The following RBMS3 variants were observed in gnomAD, a reference collection of about 807,000 sequenced individuals.
RBMS3 encodes RNA-binding motif, single-stranded-interacting protein 3.
Under a neutral mutation model 66.8 loss-of-function variants are expected in RBMS3, and 27 were observed. The ratio of observed to expected loss-of-function variants is 0.40; its 90% CI spans 0.30 to 0.56. The LOEUF (loss-of-function observed/expected upper bound fraction) is 0.56, where lower values mean the gene tolerates loss of function less well. Ranked by LOEUF, RBMS3 falls within the 20% of genes least tolerant of loss-of-function variation. RBMS3 has a pLI of 0.40. For missense variants in RBMS3, 513 were observed against 549.5 expected (o/e 0.93, Z 0.66); for synonymous variants, 188 against 183.0 (o/e 1.03, Z -0.22).
intron 4 of RBMS3, among the ~76,000 whole-genome samples, chr3:29,659,064 G>A (rs1428849305): frequency 6.6e-6 from 1 of 152,066 alleles, no homozygotes; most frequent in Admixed American, 6.6e-5. Context: ...TAATCTGCCC[G>A]CCTCAGCCTC....
At chr3:29,952,354 T>C (rs761084166) in intron 12 of RBMS3, among the ~76,000 whole-genome samples, 1 of 151,876 alleles carries the variant, frequency 6.6e-6, no homozygotes, top group Non-Finnish European at 1.5e-5. Flanking sequence ...AACCAATAGT[T>C]AATGCCACTT....
intron 6 of RBMS3, among the ~76,000 whole-genome samples, chr3:29,848,003 T>TTTTG (rs2058832184): frequency 6.6e-6 from 1 of 152,200 alleles, no homozygotes; most frequent in African/African-American, 2.4e-5. Context: ...CCCCTTTGTA[T>TTTTG]TTTGTGTAGG....
intron 1 of RBMS3, among the ~76,000 whole-genome samples, chr3:29,379,120 T>C (rs2038638315): frequency 6.6e-6 from 1 of 152,162 alleles, no homozygotes; most frequent in South Asian, 2.1e-4. Context: ...AACACACATA[T>C]ATATGTACAT....
At chr3:29,649,559 G>A (rs1384125210) in intron 4 of RBMS3, among the ~76,000 whole-genome samples, 2 of 152,158 alleles carry the variant, frequency 1.3e-5, no homozygotes, top group East Asian at 3.8e-4. Flanking sequence ...TGTCATGGGT[G>A]ATGGGTGCTT....
At chr3:29,465,654 T>G (rs895689679) in intron 2 of RBMS3, among the ~76,000 whole-genome samples, 2 of 152,066 alleles carry the variant, frequency 1.3e-5, no homozygotes, top group African/African-American at 4.8e-5. Flanking sequence ...ATACTTTCAG[T>G]TGCAATACTT....
At chr3:29,856,404 G>A (rs1228656852) in intron 6 of RBMS3, among the ~76,000 whole-genome samples, 1 of 152,168 alleles carries the variant, frequency 6.6e-6, no homozygotes, top group Admixed American at 6.5e-5. Context: ...ATTGTGAAAG[G>A]TCTCAGCCCT....
chr3:29,993,133 GTAT>G (rs1351247416), intron 14 of RBMS3, among the ~76,000 whole-genome samples: 8 of 152,098 alleles, frequency 5.3e-5, no homozygotes, highest in Non-Finnish European at 1.0e-4. Flanking sequence ...CAAATGTAAG[GTAT>G]TATTATGATT....
intron 3 of RBMS3, among the ~76,000 whole-genome samples, chr3:29,555,701 T>C (rs1033679723): frequency 1.3e-5 from 2 of 152,156 alleles, no homozygotes; most frequent in African/African-American, 4.8e-5. Context: ...ACAGTGTTAC[T>C]CCTAGTCTAA....
chr3:29,603,708 C>A (rs1391333665), intron 4 of RBMS3, among the ~76,000 whole-genome samples: 1 of 151,908 alleles, frequency 6.6e-6, no homozygotes, highest in Non-Finnish European at 1.5e-5. Flanking sequence ...AAGTAAGATA[C>A]AATTCCAGAC....
intron 4 of RBMS3, among the ~76,000 whole-genome samples, chr3:29,659,175 A>G (rs1202410687): frequency 6.6e-6 from 1 of 152,192 alleles, no homozygotes. Flanking sequence ...AATGAAATGC[A>G]CATTTTAAAT....
chr3:29,419,323 T>C (rs544465111), intron 1 of RBMS3, among the ~76,000 whole-genome samples: 4 of 152,228 alleles, frequency 2.6e-5, no homozygotes, highest in Non-Finnish European at 5.9e-5. Flanking sequence ...TCACTGGATA[T>C]ATTTTAATCT....
intron 1 of RBMS3, among the ~76,000 whole-genome samples, chr3:29,372,333 A>G (rs1429475476): frequency 1.3e-5 from 2 of 152,142 alleles, no homozygotes; most frequent in Non-Finnish European, 2.9e-5. Context: ...TGTCTCAAAA[A>G]AAAAGAAAAA....
intron 8 of RBMS3, among the ~76,000 whole-genome samples, chr3:29,889,628 G>T (rs1379334653): frequency 6.6e-6 from 1 of 151,642 alleles, no homozygotes; most frequent in Non-Finnish European, 1.5e-5. Context: ...TGACATTATT[G>T]TTGCCCTATG....
intron 1 of RBMS3, among the ~76,000 whole-genome samples, chr3:29,403,746 T>G (rs2039904189): frequency 6.6e-6 from 1 of 152,084 alleles, no homozygotes; most frequent in Non-Finnish European, 1.5e-5. Flanking sequence ...ATTGCAGACT[T>G]GAGATTAAAG....
intron 3 of RBMS3, among the ~76,000 whole-genome samples, chr3:29,546,532 C>T (rs2045955423): frequency 6.6e-6 from 1 of 152,138 alleles, no homozygotes; most frequent in Non-Finnish European, 1.5e-5. Context: ...AACAAACAAA[C>T]AAAAACACTG....
chr3:29,772,300 AAGTCTT>A (rs1169350127), intron 6 of RBMS3, among the ~76,000 whole-genome samples: 1 of 151,982 alleles, frequency 6.6e-6, no homozygotes, highest in African/African-American at 2.4e-5. Flanking sequence ...TTATGCCTCT[AAGTCTT>A]AGATGATTTT....
chr3:29,292,734 A>C (rs1308257132), intron 1 of RBMS3, among the ~76,000 whole-genome samples: 3 of 151,852 alleles, frequency 2.0e-5, no homozygotes, highest in African/African-American at 7.2e-5. Context: ...ACAGGAAGAA[A>C]GATAAAATAA....
chr3:29,571,049 AG>A (rs2046934795), intron 3 of RBMS3, among the ~76,000 whole-genome samples: 3 of 152,194 alleles, frequency 2.0e-5, no homozygotes, highest in African/African-American at 7.2e-5. Context: ...ATCTCATCAT[AG>A]TTTTGATTTG....
chr3:29,340,929 T>C (rs1451418417), intron 1 of RBMS3, among the ~76,000 whole-genome samples: 2 of 152,126 alleles, frequency 1.3e-5, no homozygotes, highest in African/African-American at 4.8e-5. Context: ...TGTAATGCTT[T>C]TTAAATTAAT....
Sources: allele counts gnomAD v4.1 joint callset (sites outside exome capture counted in the v4.1 genomes callset), GRCh38; gene constraint gnomAD v4.1.1; transcripts MANE v1.5; gene names NCBI Gene and HGNC (gene_info 2026-07-23, HGNC 2026-07-21).